ANTXR1: variants seen among roughly 807,000 people sequenced by gnomAD.
ANTXR1 encodes anthrax toxin receptor 1.
A neutral mutation model predicts 78.1 loss-of-function variants in ANTXR1; 19 were observed. The observed-to-expected ratio is 0.24, with a 90% CI of 0.17 to 0.36. The LOEUF (loss-of-function observed/expected upper bound fraction) is 0.36, where lower values mean the gene tolerates loss of function less well. Ranked by LOEUF, ANTXR1 falls within the 10% of genes least tolerant of loss-of-function variation. ANTXR1 has a pLI of 1.00. For missense variants in ANTXR1, 518 were observed against 718.6 expected, an observed-to-expected ratio of 0.72 and a Z score of 3.19; for synonymous variants, 273 against 260.5, an observed-to-expected ratio of 1.05 and a Z score of -0.46.
intron 13 of ANTXR1, among the ~76,000 whole-genome samples, chr2:69,159,128 T>C (rs764953026): frequency 1.3e-5 from 2 of 152,240 alleles, no homozygotes; most frequent in African/African-American, 2.4e-5. Context: ...ATGTATGTTA[T>C]ATGCAATATT....
At chr2:69,232,916 A>G (rs917714257) in intron 17 of ANTXR1, among the ~76,000 whole-genome samples, 4 of 152,202 alleles carry the variant, frequency 2.6e-5, no homozygotes. Flanking sequence ...AAAATATGTA[A>G]TTATTAAGAA....
chr2:69,208,827 T>C (rs952440897), intron 17 of ANTXR1, among the ~76,000 whole-genome samples: 3 of 152,234 alleles, frequency 2.0e-5, no homozygotes, highest in Non-Finnish European at 4.4e-5. Flanking sequence ...ACTTTGCCTT[T>C]CTGGGCCAAT....
At chr2:69,096,207 G>A (rs1425868832) in intron 9 of ANTXR1, among the ~76,000 whole-genome samples, 2 of 149,834 alleles carry the variant, frequency 1.3e-5, no homozygotes, top group East Asian at 2.0e-4. Context: ...GCAGTGAGCC[G>A]AGATCATGTC....
At chr2:69,093,470 C>A (rs543995930) in intron 9 of ANTXR1, among the ~76,000 whole-genome samples, 1 of 152,064 alleles carries the variant, frequency 6.6e-6, no homozygotes, top group Non-Finnish European at 1.5e-5. Flanking sequence ...GTGTTCAAGA[C>A]AATAAAAACA....
chr2:69,046,882 T>C (rs1669783733), intron 3 of ANTXR1, among the ~76,000 whole-genome samples: 1 of 152,194 alleles, frequency 6.6e-6, no homozygotes, highest in Non-Finnish European at 1.5e-5. Context: ...AGAGACCTTA[T>C]AGAATTAAGA....
intron 8 of ANTXR1, among the ~76,000 whole-genome samples, chr2:69,078,743 T>C (rs1276576699): frequency 1.3e-5 from 2 of 152,214 alleles, no homozygotes; most frequent in Non-Finnish European, 2.9e-5. Flanking sequence ...TTTCCAGACA[T>C]ACAATAGGCA....
intron 3 of ANTXR1, among the ~76,000 whole-genome samples, chr2:69,059,639 C>G (rs560930380): frequency 1.3e-5 from 2 of 152,098 alleles, no homozygotes; most frequent in Non-Finnish European, 2.9e-5. Flanking sequence ...CCACTATGCC[C>G]GGCTAATTTG....
chr2:69,242,633 T>C (rs986555273), intron 17 of ANTXR1, among the ~76,000 whole-genome samples: 2 of 152,314 alleles, frequency 1.3e-5, no homozygotes, highest in Admixed American at 1.3e-4. Flanking sequence ...TTCCCCAGGA[T>C]GAGGGTTTCC....
intron 1 of ANTXR1, among the ~76,000 whole-genome samples, chr2:69,014,407 C>T (rs2103971613): frequency 7.2e-6 from 1 of 138,446 alleles, no homozygotes; most frequent in Non-Finnish European, 1.5e-5. Flanking sequence ...TTGAGTACCC[C>T]AGATGTAGTG....
At chr2:69,098,992 T>TAA (rs765723452) in intron 9 of ANTXR1, among the ~76,000 whole-genome samples, 12 of 152,024 alleles carry the variant, frequency 7.9e-5, no homozygotes, top group Non-Finnish European at 1.6e-4. Context: ...TCTAAATAAA[T>TAA]AAAGTACAAT....
chr2:69,138,916 C>T (rs946807693), intron 12 of ANTXR1, among the ~76,000 whole-genome samples: 1 of 152,168 alleles, frequency 6.6e-6, no homozygotes, highest in Non-Finnish European at 1.5e-5. Context: ...ACTTAGAATA[C>T]TTTATAGGTA....
At chr2:69,124,729 AC>A in intron 12 of ANTXR1, 86 bp downstream of exon 12, 1 of 1,496,808 alleles carries the variant, frequency 6.7e-7, no homozygotes, top group Non-Finnish European at 9.3e-7. Flanking sequence ...CTCCAAAGGT[AC>A]CCTGGAAAGT....
At chr2:69,121,235 T>C (rs1181911418) in intron 10 of ANTXR1, among the ~76,000 whole-genome samples, 1 of 152,242 alleles carries the variant, frequency 6.6e-6, no homozygotes, top group Admixed American at 6.5e-5. Context: ...ATTGCAAGCC[T>C]TAGCACATTG....
At chr2:69,107,568 AT>A (rs1406246215) in intron 10 of ANTXR1, among the ~76,000 whole-genome samples, 6 of 152,126 alleles carry the variant, frequency 3.9e-5, no homozygotes, top group Non-Finnish European at 8.8e-5. Context: ...TCATTCTATG[AT>A]AATAACATAA....
intron 14 of ANTXR1, among the ~76,000 whole-genome samples, chr2:69,174,644 G>A (rs993999986): frequency 6.6e-6 from 1 of 152,086 alleles, no homozygotes; most frequent in Non-Finnish European, 1.5e-5. Flanking sequence ...AAGAGAGAGA[G>A]AGAGAGTGTA....
chr2:69,176,165 A>G (rs1674115556), intron 14 of ANTXR1, among the ~76,000 whole-genome samples: 1 of 151,918 alleles, frequency 6.6e-6, no homozygotes, highest in Non-Finnish European at 1.5e-5. Context: ...CTATGTTTTA[A>G]TACTTTAAAA....
In ANTXR1 at chr2:69,245,552, TAGAGA is replaced by T; in HGVS notation, c.*72_*76del. On this transcript the variant is annotated 3_prime_UTR_variant, in exon 18 of 18. Coordinates refer to ENST00000303714, the MANE Select transcript of ANTXR1 (RefSeq NM_032208.3). ...AGATGTTAGAACAAGTCTTTCCAGT[TAGAGA>T]AGAGGAGTGGTGATAAAGCCCACTG... 3.8e-6 allele frequency: 6 copies of T among 1,596,230 alleles called. No individual in the cohort carries two copies. Among genetic ancestry groups the T allele is most frequent in the Non-Finnish European group, 8.5e-7 (1 of 1,174,120 alleles).
At chr2:69,188,656 C>A (rs1475338875) in intron 16 of ANTXR1, among the ~76,000 whole-genome samples, 6 of 152,208 alleles carry the variant, frequency 3.9e-5, no homozygotes, top group Non-Finnish European at 8.8e-5. Context: ...GGGCTTGAGG[C>A]TTGTGGATAA....
intron 3 of ANTXR1, among the ~76,000 whole-genome samples, chr2:69,046,821 A>G (rs557189218): frequency 6.3e-4 from 96 of 152,298 alleles, no homozygotes; most frequent in African/African-American, 2.2e-3. Flanking sequence ...GATTGTCACA[A>G]TATCCCTATA....
Sources: allele counts gnomAD v4.1 joint callset (sites outside exome capture counted in the v4.1 genomes callset), GRCh38; gene constraint gnomAD v4.1.1; transcripts MANE v1.5; gene names NCBI Gene and HGNC (gene_info 2026-07-23, HGNC 2026-07-21).